GRM8: variants seen among roughly 807,000 people sequenced by gnomAD.
GRM8 encodes the protein metabotropic glutamate receptor 8.
In GRM8, 47 loss-of-function variants were observed where a neutral mutation model predicts 87.2. That is an observed-to-expected ratio of 0.54 (90% CI 0.43 to 0.69). GRM8 has a LOEUF of 0.69. Among genes scored for constraint, GRM8 ranks in the 30% least tolerant of loss-of-function variants. The probability of loss-of-function intolerance (pLI) is 0.00; values close to 1 mark genes in which losing one functional copy is unlikely to be tolerated. For synonymous variants in GRM8, 396 were observed against 404.5 expected (o/e 0.98, Z 0.25); for missense variants, 1,019 against 1,139.2 (o/e 0.89, Z 1.52).
intron 3 of GRM8, among the ~76,000 whole-genome samples, chr7:126,958,705 C>CA (rs1809002410): frequency 6.6e-6 from 1 of 152,168 alleles, no homozygotes; most frequent in Non-Finnish European, 1.5e-5. Context: ...CAGAAGGCAC[C>CA]ACCCACCACT....
At chr7:126,889,512 T>C (rs1800800563) in intron 6 of GRM8, among the ~76,000 whole-genome samples, 1 of 152,114 alleles carries the variant, frequency 6.6e-6, no homozygotes, top group Admixed American at 6.6e-5. Flanking sequence ...TGTAAAATAA[T>C]ATTTTGGTAG....
intron 3 of GRM8, among the ~76,000 whole-genome samples, chr7:127,067,758 A>G (rs1411186227): frequency 2.0e-5 from 3 of 152,236 alleles, no homozygotes; most frequent in African/African-American, 7.2e-5. Context: ...ACTCAATCCA[A>G]TTTAGAATAG....
At chr7:126,540,254 A>G (rs1816379383) in intron 8 of GRM8, among the ~76,000 whole-genome samples, 1 of 152,122 alleles carries the variant, frequency 6.6e-6, no homozygotes, top group African/African-American at 2.4e-5. Context: ...CAGTGCACCA[A>G]CTAGGACTAT....
intron 6 of GRM8, among the ~76,000 whole-genome samples, chr7:126,810,877 C>T (rs189889514): frequency 7.2e-4 from 110 of 152,214 alleles, no homozygotes; most frequent in African/African-American, 2.5e-3. Flanking sequence ...AATTTAAGGT[C>T]TCCTTTAGAG....
intron 8 of GRM8, among the ~76,000 whole-genome samples, chr7:126,584,742 G>A (rs1000198791): frequency 4.0e-5 from 6 of 151,812 alleles, no homozygotes; most frequent in Non-Finnish European, 8.8e-5. Context: ...TGTCGTTTCC[G>A]CTTAGGCCTG....
chr7:126,988,981 T>C (rs967877248), intron 3 of GRM8, among the ~76,000 whole-genome samples: 4 of 152,170 alleles, frequency 2.6e-5, no homozygotes, highest in African/African-American at 9.7e-5. Context: ...GCCAAATGTA[T>C]TTCCTGGCAC....
intron 3 of GRM8, among the ~76,000 whole-genome samples, chr7:126,936,371 C>A (rs955886700): frequency 1.3e-5 from 2 of 152,088 alleles, no homozygotes; most frequent in Admixed American, 6.5e-5. Context: ...TATTTAAGGG[C>A]TTGCCACGAC....
rs756543148 is a variant in GRM8 at position 126,671,926 on chromosome 7, G to A, written c.1358-62428C>T. 3.9e-5 allele frequency among the ~76,000 whole-genome samples: 6 copies of A among 152,100 alleles called. No individual in the cohort carries two copies. The South Asian group carries it at 8.3e-4, about 21-fold the overall frequency. ...TTGGCTTATGACAAGGAGTCCATGC[G>A]ACCCCCGCTGAGACACATTTTTGTC... On this transcript the variant is annotated intron_variant, in intron 7 of 10. Transcript: ENST00000339582.
At chr7:126,610,336 C>T (rs1003116134) in intron 7 of GRM8, among the ~76,000 whole-genome samples, 4 of 152,160 alleles carry the variant, frequency 2.6e-5, no homozygotes, top group African/African-American at 9.7e-5. Flanking sequence ...TTTTCTCTAA[C>T]AGCTTTTAGG....
chr7:127,156,357 C>T (rs536426879), intron 2 of GRM8, among the ~76,000 whole-genome samples: 46 of 152,282 alleles, frequency 3.0e-4, no homozygotes, highest in African/African-American at 1.0e-3. Flanking sequence ...TACCCCTAAA[C>T]GGTTCCTCCA....
At chr7:126,731,559 C>T (rs1813582975) in intron 7 of GRM8, among the ~76,000 whole-genome samples, 1 of 152,056 alleles carries the variant, frequency 6.6e-6, no homozygotes, top group South Asian at 2.1e-4. Context: ...CATTCTGTGA[C>T]ATTTTATTAC....
chr7:127,203,400 A>ATTT (rs1437643467), intron 2 of GRM8, among the ~76,000 whole-genome samples: 63 of 152,256 alleles, frequency 4.1e-4, no homozygotes, highest in African/African-American at 1.3e-3. Flanking sequence ...AAGCTTGCAC[A>ATTT]TACACCCCCT....
At chr7:126,442,359 T>C (rs1233268850) in intron 10 of GRM8, among the ~76,000 whole-genome samples, 1 of 152,064 alleles carries the variant, frequency 6.6e-6, no homozygotes, top group African/African-American at 2.4e-5. Context: ...TTAATTTATA[T>C]AATACTCTCG....
chr7:126,443,506 C>T (rs538300563), intron 10 of GRM8, among the ~76,000 whole-genome samples: 9 of 152,036 alleles, frequency 5.9e-5, no homozygotes, highest in Admixed American at 5.9e-4. Flanking sequence ...GTGAAGATGT[C>T]ACACATCTTT....
intron 2 of GRM8, among the ~76,000 whole-genome samples, chr7:127,124,909 A>C (rs1268609829): frequency 6.6e-6 from 1 of 152,174 alleles, no homozygotes; most frequent in African/African-American, 2.4e-5. Flanking sequence ...TTGGTGTAGA[A>C]AAAGCATTTG....
chr7:126,669,808 C>G (rs762304814), intron 7 of GRM8, among the ~76,000 whole-genome samples: 4 of 152,090 alleles, frequency 2.6e-5, no homozygotes, highest in Non-Finnish European at 5.9e-5. Flanking sequence ...TGTGCTTTTT[C>G]TTTGTAAAAT....
chr7:126,711,080 C>T (rs1260397602), intron 7 of GRM8, among the ~76,000 whole-genome samples: 1 of 152,216 alleles, frequency 6.6e-6, no homozygotes, highest in African/African-American at 2.4e-5. Flanking sequence ...GAGGCTGAGG[C>T]ATGAGAATCG....
At chr7:127,099,353 G>C (rs1388404241) in intron 3 of GRM8, among the ~76,000 whole-genome samples, 3 of 152,092 alleles carry the variant, frequency 2.0e-5, no homozygotes, top group African/African-American at 7.2e-5. Flanking sequence ...AATAAATTAG[G>C]CCAGAAAAAA....
At chr7:126,612,825 T>C (rs1021131991) in intron 7 of GRM8, among the ~76,000 whole-genome samples, 3 of 152,252 alleles carry the variant, frequency 2.0e-5, no homozygotes, top group African/African-American at 7.2e-5. Flanking sequence ...GCTTCCCTCT[T>C]CATGACATTA....
Sources: allele counts gnomAD v4.1 joint callset (sites outside exome capture counted in the v4.1 genomes callset), GRCh38; gene constraint gnomAD v4.1.1; transcripts MANE v1.5; gene names NCBI Gene and HGNC (gene_info 2026-07-23, HGNC 2026-07-21).